The following AOPEP variants were observed in gnomAD, a reference collection of about 807,000 sequenced individuals.
The protein encoded by AOPEP is aminopeptidase O.
In AOPEP, 77 loss-of-function variants were observed where a neutral mutation model predicts 98.1. The ratio of observed to expected loss-of-function variants is 0.78; its 90% confidence interval spans 0.65 to 0.95. The LOEUF (loss-of-function observed/expected upper bound fraction) is 0.95, where lower values mean the gene tolerates loss of function less well. Ranked by LOEUF, AOPEP falls within the 40% of genes least tolerant of loss-of-function variation. The pLI is 0.00. For missense variants in AOPEP, 1,024 were observed against 1,024.7 expected (o/e 1.00, Z 0.01); for synonymous variants, 346 against 365.3 (o/e 0.95, Z 0.60).
At chr9:95,082,817 C>T (rs2069993989) in intron 16 of AOPEP, 98 bp downstream of exon 16, 2 of 1,378,958 alleles carry the variant, frequency 1.5e-6, no homozygotes, top group East Asian at 2.3e-5. Flanking sequence ...CCAAGACTAC[C>T]CGCAGCATCA....
intron 5 of AOPEP, among the ~76,000 whole-genome samples, chr9:94,815,797 A>C (rs1468520816): frequency 6.6e-6 from 1 of 152,100 alleles, no homozygotes; most frequent in African/African-American, 2.4e-5. Flanking sequence ...AGTAACTGCT[A>C]TCATTTGGGC....
At chr9:94,769,652 T>TA (rs1279736328) in intron 2 of AOPEP, among the ~76,000 whole-genome samples, 1 of 152,188 alleles carries the variant, frequency 6.6e-6, no homozygotes, top group Admixed American at 6.5e-5. Context: ...AAGTGGAAGC[T>TA]AAAAAAATGT....
intron 5 of AOPEP, among the ~76,000 whole-genome samples, chr9:94,814,209 TG>T (rs1309912470): frequency 6.6e-6 from 1 of 152,244 alleles, no homozygotes; most frequent in Non-Finnish European, 1.5e-5. Flanking sequence ...CTGGCCCTGT[TG>T]GGGCCTCATA....
intron 13 of AOPEP, among the ~76,000 whole-genome samples, chr9:95,012,177 C>A (rs1589258535): frequency 6.6e-6 from 1 of 152,270 alleles, no homozygotes; most frequent in Non-Finnish European, 1.5e-5. Context: ...AAAAAGAATG[C>A]TTTGGGCAAT....
intron 10 of AOPEP, among the ~76,000 whole-genome samples, chr9:94,971,676 T>G (rs2059545340): frequency 1.3e-5 from 2 of 152,214 alleles, no homozygotes; most frequent in Non-Finnish European, 2.9e-5. Context: ...CTTACTGCCT[T>G]TGCATTGTTC....
intron 2 of AOPEP, among the ~76,000 whole-genome samples, chr9:94,768,527 T>A (rs950975513): frequency 3.3e-5 from 5 of 152,172 alleles, no homozygotes; most frequent in Non-Finnish European, 1.5e-5. Context: ...AAAGGCAGAG[T>A]TAGTATGTCT....
chr9:94,996,285 C>G (rs1163362057), intron 11 of AOPEP, among the ~76,000 whole-genome samples: 1 of 151,854 alleles, frequency 6.6e-6, no homozygotes, highest in Non-Finnish European at 1.5e-5. Flanking sequence ...ATAGCTTTCT[C>G]TCATATCTTA....
chr9:94,808,367 AT>A (rs1849723048), intron 5 of AOPEP, among the ~76,000 whole-genome samples: 2 of 152,180 alleles, frequency 1.3e-5, no homozygotes, highest in South Asian at 4.1e-4. Context: ...GAAGTTTAAC[AT>A]TATTATATTA....
At chr9:95,059,350 T>C (rs2067114664) in intron 13 of AOPEP, among the ~76,000 whole-genome samples, 1 of 152,162 alleles carries the variant, frequency 6.6e-6, no homozygotes, top group Non-Finnish European at 1.5e-5. Context: ...CATTGGTGTC[T>C]TGTCTCCTTT....
chr9:95,005,821 GC>G (rs2061970072), intron 13 of AOPEP, among the ~76,000 whole-genome samples: 1 of 152,190 alleles, frequency 6.6e-6, no homozygotes, highest in Non-Finnish European at 1.5e-5. Flanking sequence ...GGAGAGAGTA[GC>G]CCATGAAATT....
intron 5 of AOPEP, among the ~76,000 whole-genome samples, chr9:94,869,092 G>A (rs2046029665): frequency 6.6e-6 from 1 of 152,136 alleles, no homozygotes; most frequent in Admixed American, 6.5e-5. Flanking sequence ...AGCTGGGCAT[G>A]GTGGTGTGTA....
At chr9:94,942,026 T>G (rs2057064273) in intron 7 of AOPEP, among the ~76,000 whole-genome samples, 1 of 152,256 alleles carries the variant, frequency 6.6e-6, no homozygotes, top group Admixed American at 6.5e-5. Flanking sequence ...AAGTAAATTT[T>G]GTAAGTATAC....
chr9:95,069,485 G>T (rs901959994), intron 14 of AOPEP, among the ~76,000 whole-genome samples: 12 of 152,218 alleles, frequency 7.9e-5, no homozygotes, highest in African/African-American at 2.9e-4. Context: ...TCTTAGTATG[G>T]AAGGAAGGCA....
rs72746550 is a variant in AOPEP at position 94,813,260 on chromosome 9, T to C, written c.1364+12258T>C. 5.3e-3 allele frequency among the ~76,000 whole-genome samples: 803 copies of C among 152,288 alleles called. 12 individuals carry two copies. The highest frequency in any genetic ancestry group is 0.044 in the South Asian group (211 of 4,822). On this transcript the variant is annotated intron_variant, in intron 5 of 16. Coordinates refer to ENST00000375315, the MANE Select transcript of AOPEP (RefSeq NM_001193329.3). ...ATGTGATTGCTCCCTCATTTTAATGTCTCTCTGGACCTGATAATCTAAAAT... is the reference window on the plus strand; with the variant it reads ...ATGTGATTGCTCCCTCATTTTAATGCCTCTCTGGACCTGATAATCTAAAAT...
chr9:94,909,098 C>T (rs577115998), intron 5 of AOPEP, among the ~76,000 whole-genome samples: 29 of 152,140 alleles, frequency 1.9e-4, no homozygotes, highest in South Asian at 6.2e-4. Context: ...GGCTTCGTAA[C>T]GTGAGCAGCG....
intron 5 of AOPEP, among the ~76,000 whole-genome samples, chr9:94,805,568 A>G (rs1849096164): frequency 6.6e-6 from 1 of 152,172 alleles, no homozygotes; most frequent in Non-Finnish European, 1.5e-5. Context: ...AAAATTATCA[A>G]TTATTAAAAT....
chr9:94,789,892 T>TG (rs35102751), intron 3 of AOPEP, among the ~76,000 whole-genome samples: 96,352 of 150,028 alleles, frequency 0.64, 31,157 homozygotes, highest in East Asian at 0.75. Flanking sequence ...TTTTTTTTTT[T>TG]AGACGGAGTC....
At chr9:95,137,305 T>C in the AOPEP span, among the ~76,000 whole-genome samples, 5,587 of 151,876 alleles carry the variant, frequency 0.037, 306 homozygotes, top group African/African-American at 0.12. Context: ...GGGTTGACCG[T>C]GGGGCAAGAG....
intron 2 of AOPEP, among the ~76,000 whole-genome samples, chr9:94,763,942 G>T (rs1261374049): frequency 6.6e-6 from 1 of 152,176 alleles, no homozygotes; most frequent in Non-Finnish European, 1.5e-5. Flanking sequence ...TTGTGGACAT[G>T]TTCTGTCCTC....
Sources: gnomAD v4.1 joint callset for allele counts (sites outside exome capture counted in the v4.1 genomes callset) on GRCh38, gnomAD v4.1.1 for gene constraint, MANE v1.5 for transcripts, NCBI Gene and HGNC (gene_info 2026-07-23, HGNC 2026-07-21) for gene names.